ZMYND11: variants seen among roughly 807,000 people sequenced by gnomAD.
The protein encoded by ZMYND11 is zinc finger MYND-type containing 11.
In ZMYND11, 9 loss-of-function variants were observed where a neutral mutation model predicts 84.9. The observed-to-expected ratio is 0.11, with a 90% confidence interval of 0.06 to 0.18. The LOEUF (loss-of-function observed/expected upper bound fraction) is 0.18, where lower values mean the gene tolerates loss of function less well. Ranked by LOEUF, ZMYND11 falls within the 10% of genes least tolerant of loss-of-function variation. ZMYND11 has a pLI of 1.00. For synonymous variants in ZMYND11, 250 were observed against 244.1 expected (o/e 1.02, Z -0.23); for missense variants, 409 against 761.0 (o/e 0.54, Z 5.44).
intron 1 of ZMYND11, among the ~76,000 whole-genome samples, chr10:161,784 G>T (rs1176611978): frequency 6.6e-6 from 1 of 152,128 alleles, no homozygotes; most frequent in South Asian, 2.1e-4. Context: ...TTAGGTCCTT[G>T]TTCTGGATTA....
chr10:191,452 A>T (rs549276585), intron 2 of ZMYND11, among the ~76,000 whole-genome samples: 92 of 152,304 alleles, frequency 6.0e-4, no homozygotes, highest in African/African-American at 2.1e-3. Flanking sequence ...GCCCCACCTT[A>T]TAGGTAGGGA....
chr10:138,049 G>T (rs1370236626), intron 1 of ZMYND11, among the ~76,000 whole-genome samples: 1 of 150,384 alleles, frequency 6.6e-6, no homozygotes, highest in Non-Finnish European at 1.5e-5. Context: ...TTCACAAAAA[G>T]AAATCAATTA....
chr10:186,642 C>CAAA (rs56345833), intron 2 of ZMYND11, among the ~76,000 whole-genome samples: 40 of 95,152 alleles, frequency 4.2e-4, no homozygotes, highest in African/African-American at 6.4e-4. Flanking sequence ...AGGACTCTCT[C>CAAA]AAAAAAAAAA....
At chr10:240,209 T>TG (rs1950640011) in intron 8 of ZMYND11, 98 bp downstream of exon 8, 1 of 1,109,490 alleles carries the variant, frequency 9.0e-7, no homozygotes, top group Non-Finnish European at 1.3e-6. Flanking sequence ...GCCATTTCCT[T>TG]TAAATGTCTT....
chr10:228,993 T>C (rs999285913), intron 4 of ZMYND11, among the ~76,000 whole-genome samples: 1 of 152,312 alleles, frequency 6.6e-6, no homozygotes, highest in East Asian at 1.9e-4. Context: ...AAATACTACA[T>C]GTTTTTTTCT....
intron 1 of ZMYND11, among the ~76,000 whole-genome samples, chr10:138,422 G>A (rs1176854779): frequency 6.6e-6 from 1 of 152,062 alleles, no homozygotes; most frequent in African/African-American, 2.4e-5. Flanking sequence ...CGGCCCTGTT[G>A]GCGTTTTGAA....
intron 3 of ZMYND11, among the ~76,000 whole-genome samples, chr10:210,981 A>G (rs1945114436): frequency 6.6e-6 from 1 of 151,722 alleles, no homozygotes; most frequent in Admixed American, 6.6e-5. Flanking sequence ...TGGGCAACAT[A>G]GCCCCCATCT....
chr10:242,167 C>T (rs1326391022), intron 10 of ZMYND11, 28 bp downstream of exon 10: 9 of 1,612,306 alleles, frequency 5.6e-6, no homozygotes, highest in Middle Eastern at 1.6e-4. Flanking sequence ...GTTCAGCGGT[C>T]ACAGCTGTGC....
intron 2 of ZMYND11, among the ~76,000 whole-genome samples, chr10:192,347 T>C (rs2130929743): frequency 6.6e-6 from 1 of 152,364 alleles, no homozygotes; most frequent in Non-Finnish European, 1.5e-5. Flanking sequence ...AGCCCTGTAG[T>C]ATTGTCTGCC....
intron 2 of ZMYND11, among the ~76,000 whole-genome samples, chr10:194,366 A>T (rs1017106209): frequency 2.6e-5 from 4 of 152,140 alleles, no homozygotes; most frequent in African/African-American, 9.7e-5. Context: ...AGTGTTTTCC[A>T]TCAGGAGGCA....
chr10:185,118 G>A (rs1240488314), intron 2 of ZMYND11, among the ~76,000 whole-genome samples: 2 of 152,086 alleles, frequency 1.3e-5, no homozygotes, highest in African/African-American at 2.4e-5. Context: ...ATCTGCAAAT[G>A]GGAGTGTGTA....
At chr10:178,249 A>G (rs561307246) in intron 1 of ZMYND11, among the ~76,000 whole-genome samples, 1 of 152,308 alleles carries the variant, frequency 6.6e-6, no homozygotes, top group Admixed American at 6.5e-5. Context: ...TTTCTTGGCA[A>G]GGGTCGCCGT....
intron 2 of ZMYND11, among the ~76,000 whole-genome samples, chr10:205,392 T>G (rs1271981600): frequency 6.6e-6 from 1 of 152,164 alleles, no homozygotes; most frequent in East Asian, 1.9e-4. Context: ...TATTTTTCCC[T>G]AAGAAGGAGT....
intron 2 of ZMYND11, among the ~76,000 whole-genome samples, chr10:181,260 A>G (rs1847830464): frequency 6.6e-6 from 1 of 152,238 alleles, no homozygotes; most frequent in Non-Finnish European, 1.5e-5. Context: ...GCCTTTATTA[A>G]TAAGTAATAT....
chr10:249,730 C>T (rs1254092215), intron 14 of ZMYND11: 5 of 985,348 alleles, frequency 5.1e-6, no homozygotes, highest in Non-Finnish European at 6.0e-6. Flanking sequence ...AAGTTTTGCT[C>T]CCGAAAGCTC....
At chr10:218,191 G>A (rs1450232361) in intron 3 of ZMYND11, among the ~76,000 whole-genome samples, 2 of 152,102 alleles carry the variant, frequency 1.3e-5, no homozygotes, top group African/African-American at 2.4e-5. Context: ...TTTTCTCTAT[G>A]TCCATTTGTA....
chr10:236,539 T>C (rs904082448), intron 4 of ZMYND11, among the ~76,000 whole-genome samples: 2 of 152,232 alleles, frequency 1.3e-5, no homozygotes, highest in Non-Finnish European at 2.9e-5. Flanking sequence ...TTATCCCTTA[T>C]GTCTATTATT....
At chr10:171,959 C>G (rs1351891504) in intron 1 of ZMYND11, among the ~76,000 whole-genome samples, 2 of 152,214 alleles carry the variant, frequency 1.3e-5, no homozygotes, top group African/African-American at 4.8e-5. Context: ...TCTCACAGTT[C>G]TGCATGCTGG....
chr10:196,112 A>G (rs1221129045), intron 2 of ZMYND11, among the ~76,000 whole-genome samples: 1 of 152,246 alleles, frequency 6.6e-6, no homozygotes, highest in African/African-American at 2.4e-5. Context: ...ATTCAGCAGT[A>G]ATTATCATAA....
Sources: gnomAD v4.1 joint callset for allele counts (sites outside exome capture counted in the v4.1 genomes callset) on GRCh38, gnomAD v4.1.1 for gene constraint, MANE v1.5 for transcripts, NCBI Gene and HGNC (gene_info 2026-07-23, HGNC 2026-07-21) for gene names.